Variants in MYRIP observed in about 807,000 individuals in gnomAD.
MYRIP encodes myosin VIIA and Rab interacting protein, also known as rab effector MyRIP.
A neutral mutation model predicts 98.0 loss-of-function variants in MYRIP; 49 were observed. That is an observed-to-expected ratio of 0.50 (90% confidence interval 0.40 to 0.63). The LOEUF (loss-of-function observed/expected upper bound fraction) is 0.63, where lower values mean the gene tolerates loss of function less well. Ranked by LOEUF, MYRIP falls within the 30% of genes least tolerant of loss-of-function variation. MYRIP has a pLI of 0.00. For missense variants in MYRIP, 1,004 were observed against 1,058.2 expected (o/e 0.95, Z 0.71); for synonymous variants, 404 against 409.5 (o/e 0.99, Z 0.16).
chr3:40,192,932 TC>T (rs1951282827), intron 10 of MYRIP, among the ~76,000 whole-genome samples: 1 of 152,166 alleles, frequency 6.6e-6, no homozygotes, highest in African/African-American at 2.4e-5. Flanking sequence ...AATAAGCTCC[TC>T]CCTGGGAGGG....
intron 10 of MYRIP, among the ~76,000 whole-genome samples, chr3:40,204,176 AT>A (rs1231956593): frequency 5.5e-5 from 3 of 54,606 alleles, no homozygotes; most frequent in African/African-American, 2.0e-4. Flanking sequence ...ATATTTATAT[AT>A]TATATAATAT....
At chr3:40,135,939 G>T (rs1559415639) in intron 3 of MYRIP, among the ~76,000 whole-genome samples, 1 of 152,196 alleles carries the variant, frequency 6.6e-6, no homozygotes, top group Non-Finnish European at 1.5e-5. Flanking sequence ...ATGCCAAATT[G>T]TAAAGAACAT....
At chr3:40,177,090 G>A (rs945096810) in intron 8 of MYRIP, among the ~76,000 whole-genome samples, 1 of 146,822 alleles carries the variant, frequency 6.8e-6, no homozygotes, top group African/African-American at 2.5e-5. Context: ...AAAAAAAAAT[G>A]TCAGAAATAC....
At chr3:40,090,690 T>C (rs1451628403) in intron 3 of MYRIP, among the ~76,000 whole-genome samples, 1 of 152,242 alleles carries the variant, frequency 6.6e-6, no homozygotes, top group Non-Finnish European at 1.5e-5. Context: ...CCAGGGCTAT[T>C]TCAGAATATC....
At chr3:40,080,595 T>A (rs1047499205) in intron 3 of MYRIP, among the ~76,000 whole-genome samples, 2 of 152,018 alleles carry the variant, frequency 1.3e-5, no homozygotes, top group Non-Finnish European at 2.9e-5. Flanking sequence ...TCCAATTAAT[T>A]TGCAAACTTA....
chr3:40,201,862 C>T (rs968051383), intron 10 of MYRIP, among the ~76,000 whole-genome samples: 1 of 152,106 alleles, frequency 6.6e-6, no homozygotes, highest in Non-Finnish European at 1.5e-5. Flanking sequence ...AACAGCAATG[C>T]ATTGGAAAAG....
chr3:40,175,811 CAATAGTT>C (rs1443337398), intron 8 of MYRIP, among the ~76,000 whole-genome samples: 1 of 152,160 alleles, frequency 6.6e-6, no homozygotes, highest in East Asian at 1.9e-4. Flanking sequence ...GACTTAAGTC[CAATAGTT>C]AATTTCAGGT....
intron 1 of MYRIP, among the ~76,000 whole-genome samples, chr3:39,853,875 T>C (rs1181763165): frequency 2.0e-5 from 3 of 152,234 alleles, no homozygotes; most frequent in Non-Finnish European, 4.4e-5. Flanking sequence ...TTCTATAGTT[T>C]TTATGGTTTC....
At chr3:39,942,207 G>A (rs144132793) in intron 2 of MYRIP, among the ~76,000 whole-genome samples, 1 of 152,232 alleles carries the variant, frequency 6.6e-6, no homozygotes, top group Non-Finnish European at 1.5e-5. Context: ...TTCAGTGCAG[G>A]TCAGAATAAC....
At chr3:40,150,698 A>G (rs1292794533) in intron 3 of MYRIP, among the ~76,000 whole-genome samples, 1 of 152,154 alleles carries the variant, frequency 6.6e-6, no homozygotes, top group Admixed American at 6.5e-5. Flanking sequence ...CAGTCAAACT[A>G]GTGGCCGATG....
chr3:39,857,470 A>G (rs558195307), intron 1 of MYRIP, among the ~76,000 whole-genome samples: 1 of 152,326 alleles, frequency 6.6e-6, no homozygotes, highest in African/African-American at 2.4e-5. Context: ...AATTCAATAG[A>G]GAGCTTCAAC....
chr3:40,143,565 C>T (rs780819463), intron 3 of MYRIP, among the ~76,000 whole-genome samples: 1 of 152,166 alleles, frequency 6.6e-6, no homozygotes, highest in Non-Finnish European at 1.5e-5. Flanking sequence ...GGAAGAGCTT[C>T]CAGAAAAGCT....
intron 3 of MYRIP, among the ~76,000 whole-genome samples, chr3:40,116,558 C>T (rs1460829032): frequency 6.6e-6 from 1 of 152,214 alleles, no homozygotes; most frequent in African/African-American, 2.4e-5. Flanking sequence ...CAGCAGTCTT[C>T]ACCTCAGCAC....
intron 2 of MYRIP, among the ~76,000 whole-genome samples, chr3:39,912,030 G>C (rs1944033773): frequency 7.0e-6 from 1 of 142,914 alleles, no homozygotes; most frequent in Admixed American, 7.0e-5. Context: ...CTAGCCCAAA[G>C]ACTTTTTTGG....
chr3:40,178,845 G>A (rs1210048512), intron 8 of MYRIP, among the ~76,000 whole-genome samples: 3 of 152,086 alleles, frequency 2.0e-5, no homozygotes, highest in Admixed American at 2.0e-4. Context: ...CTATCTGAAG[G>A]CCCAAATTCT....
intron 5 of MYRIP, among the ~76,000 whole-genome samples, chr3:40,166,205 A>G (rs4676576): frequency 5.9e-5 from 9 of 152,208 alleles, no homozygotes; most frequent in African/African-American, 1.4e-4. Context: ...CATTGTCCTT[A>G]GTACATTTAA....
At chr3:39,975,063 G>C (rs1945710613) in intron 2 of MYRIP, among the ~76,000 whole-genome samples, 1 of 152,092 alleles carries the variant, frequency 6.6e-6, no homozygotes, top group Middle Eastern at 3.2e-3. Flanking sequence ...GGCAGGAGAA[G>C]GAAATAAAGG....
At chr3:40,069,771 G>T (rs1433661006) in intron 3 of MYRIP, among the ~76,000 whole-genome samples, 1 of 152,142 alleles carries the variant, frequency 6.6e-6, no homozygotes, top group African/African-American at 2.4e-5. Context: ...CCCACTTACG[G>T]TGTGCGGAGA....
At chr3:40,098,525 G>T (rs1357719376) in intron 3 of MYRIP, among the ~76,000 whole-genome samples, 2 of 152,098 alleles carry the variant, frequency 1.3e-5, no homozygotes, top group East Asian at 3.9e-4. Flanking sequence ...AAACAGTGTT[G>T]CACTGTAAGC....
Sources: gnomAD v4.1 joint callset for allele counts (sites outside exome capture counted in the v4.1 genomes callset) on GRCh38, gnomAD v4.1.1 for gene constraint, MANE v1.5 for transcripts, NCBI Gene and HGNC (gene_info 2026-07-23, HGNC 2026-07-21) for gene names.